LINGO2: variants seen among roughly 807,000 people sequenced by gnomAD.
The protein encoded by LINGO2 is leucine-rich repeat and immunoglobulin-like domain-containing nogo receptor-interacting protein 2.
A neutral mutation model predicts 30.6 loss-of-function variants in LINGO2; 14 were observed. That is an observed-to-expected ratio of 0.46 (90% CI 0.30 to 0.72). The LOEUF is 0.72. Among genes scored for constraint, LINGO2 ranks in the 30% least tolerant of loss-of-function variants. The pLI is 0.07. For missense variants in LINGO2, 729 were observed against 751.7 expected (o/e 0.97, Z 0.35); for synonymous variants, 317 against 288.5 (o/e 1.10, Z -1.00).
At chr9:28,557,255 AG>A (rs1434289135) in intron 1 of LINGO2, among the ~76,000 whole-genome samples, 1 of 152,000 alleles carries the variant, frequency 6.6e-6, no homozygotes, top group African/African-American at 2.4e-5. Context: ...CATCTGACAA[AG>A]GGCTAATATC....
chr9:28,923,031 C>A, the LINGO2 span, among the ~76,000 whole-genome samples: 2 of 152,044 alleles, frequency 1.3e-5, no homozygotes, highest in African/African-American at 2.4e-5. Flanking sequence ...CTTTGAAAAG[C>A]GAGAGAGTCA....
chr9:28,147,391 C>G lies in LINGO2; in HGVS notation c.-86-134986G>C, dbSNP rs1169665054. ...CCAGGGAGGCATGTGGTAAGAGGCGCATCCAGTCAGGTCAGGGCACCGCGT... is the reference window on the plus strand; with the variant it reads ...CCAGGGAGGCATGTGGTAAGAGGCGGATCCAGTCAGGTCAGGGCACCGCGT... On this transcript the variant is annotated intron_variant, in intron 4 of 5. Transcript: ENST00000379992. The surrounding 1 kb of genome is among the most constrained non-coding windows in gnomAD (Gnocchi z 4.7). Among the ~76,000 whole-genome samples, 1 of 152,208 alleles carries G rather than the reference C, an allele frequency of 6.6e-6. No individual in the cohort carries two copies. Among genetic ancestry groups the G allele is most frequent in the African/African-American group, 2.4e-5 (1 of 41,458 alleles).
the LINGO2 span, among the ~76,000 whole-genome samples, chr9:29,161,380 TC>T: frequency 6.6e-6 from 1 of 152,178 alleles, no homozygotes; most frequent in South Asian, 2.1e-4. Flanking sequence ...TGGAACCTGA[TC>T]CCAAGCAGGC....
At chr9:28,915,427 T>A in the LINGO2 span, among the ~76,000 whole-genome samples, 2 of 152,086 alleles carry the variant, frequency 1.3e-5, no homozygotes, top group African/African-American at 4.8e-5. Context: ...TCTACCTTAG[T>A]AACATATTCT....
chr9:29,176,247 TTC>T, the LINGO2 span, among the ~76,000 whole-genome samples: 1 of 152,204 alleles, frequency 6.6e-6, no homozygotes. Flanking sequence ...CCACAGTGTT[TTC>T]TGTTATCTTC....
the LINGO2 span, among the ~76,000 whole-genome samples, chr9:28,860,943 T>A: frequency 1.5e-5 from 2 of 135,016 alleles, no homozygotes; most frequent in African/African-American, 2.8e-5. Context: ...AGGTAAAAAA[T>A]AATATATATA....
chr9:28,163,726 C>T (rs1260297440), intron 4 of LINGO2, among the ~76,000 whole-genome samples: 2 of 152,072 alleles, frequency 1.3e-5, no homozygotes, highest in African/African-American at 4.8e-5. Flanking sequence ...TTCTTTTTTG[C>T]AGATGACACG....
At chr9:27,999,981 T>C (rs1238025310) in intron 5 of LINGO2, among the ~76,000 whole-genome samples, 1 of 152,188 alleles carries the variant, frequency 6.6e-6, no homozygotes, top group Non-Finnish European at 1.5e-5. Context: ...TGTCAAATAA[T>C]TGTTGTTACG....
At chr9:28,563,047 A>C (rs542234622) in intron 1 of LINGO2, among the ~76,000 whole-genome samples, 5 of 152,162 alleles carry the variant, frequency 3.3e-5, no homozygotes, top group Non-Finnish European at 5.9e-5. Context: ...GGGTTTCACC[A>C]TGTTGGCCGG....
intron 1 of LINGO2, among the ~76,000 whole-genome samples, chr9:28,575,738 T>C (rs1011700137): frequency 1.3e-5 from 2 of 152,146 alleles, no homozygotes; most frequent in Admixed American, 1.3e-4. Flanking sequence ...AGAATACAAA[T>C]ACGTCTTATT....
At chr9:28,424,474 CAACT>C (rs1200520415) in intron 2 of LINGO2, among the ~76,000 whole-genome samples, 30 of 152,244 alleles carry the variant, frequency 2.0e-4, no homozygotes, top group Middle Eastern at 3.4e-3. Flanking sequence ...GACAACACAA[CAACT>C]AACAGCACAT....
At chr9:28,644,978 T>C (rs1827771553) in intron 1 of LINGO2, among the ~76,000 whole-genome samples, 1 of 152,184 alleles carries the variant, frequency 6.6e-6, no homozygotes, top group African/African-American at 2.4e-5. Context: ...AAATCCCAGA[T>C]GATTACAAGG....
At chr9:28,140,084 T>C (rs1377159079) in intron 4 of LINGO2, among the ~76,000 whole-genome samples, 1 of 152,234 alleles carries the variant, frequency 6.6e-6, no homozygotes, top group Non-Finnish European at 1.5e-5. Context: ...AAAACCTTAA[T>C]GTCCCATCTA....
intron 2 of LINGO2, among the ~76,000 whole-genome samples, chr9:28,444,472 C>T (rs1824334229): frequency 6.6e-6 from 1 of 152,202 alleles, no homozygotes; most frequent in South Asian, 2.1e-4. Flanking sequence ...TGGGCTGAAA[C>T]ATGCCCCCAT....
chr9:28,657,100 T>C (rs1828378098), intron 1 of LINGO2, among the ~76,000 whole-genome samples: 1 of 150,846 alleles, frequency 6.6e-6, no homozygotes, highest in Non-Finnish European at 1.5e-5. Flanking sequence ...ACTAAATCAC[T>C]CCAGATTCTT....
At chr9:28,824,349 A>G in the LINGO2 span, among the ~76,000 whole-genome samples, 2 of 152,192 alleles carry the variant, frequency 1.3e-5, no homozygotes, top group African/African-American at 4.8e-5. Context: ...GATAAGCCCA[A>G]TTAGTAGGCA....
At chr9:28,810,993 T>G in the LINGO2 span, among the ~76,000 whole-genome samples, 1 of 152,140 alleles carries the variant, frequency 6.6e-6, no homozygotes, top group Non-Finnish European at 1.5e-5. Flanking sequence ...CCACTATAGC[T>G]TCTTATTTCC....
At chr9:28,447,852 A>T (rs917987645) in intron 2 of LINGO2, among the ~76,000 whole-genome samples, 6 of 152,160 alleles carry the variant, frequency 3.9e-5, no homozygotes, top group Non-Finnish European at 7.4e-5. Context: ...ATTGGGAAAA[A>T]TTTTTAAATA....
the LINGO2 span, among the ~76,000 whole-genome samples, chr9:28,785,415 A>G: frequency 4.6e-5 from 7 of 152,176 alleles, no homozygotes; most frequent in Admixed American, 1.3e-4. Context: ...GTAGCCACCC[A>G]TGATTTCTCC....
Sources: gnomAD v4.1 joint callset for allele counts (sites outside exome capture counted in the v4.1 genomes callset) on GRCh38, gnomAD v4.1.1 for gene constraint, Gnocchi (gnomAD v3.1) non-coding constraint, MANE v1.5 for transcripts, NCBI Gene and HGNC (gene_info 2026-07-23, HGNC 2026-07-21) for gene names.